Variants in MCAM observed in about 807,000 individuals in gnomAD.
MCAM encodes the protein melanoma cell adhesion molecule, also known as cell surface glycoprotein MUC18.
MCAM carries 55 observed loss-of-function variants against 79.1 expected under a neutral mutation model. The ratio of observed to expected loss-of-function variants is 0.70; its 90% CI spans 0.56 to 0.87. MCAM has a LOEUF of 0.87. Among genes scored for constraint, MCAM ranks in the 40% least tolerant of loss-of-function variants. The pLI, the probability that MCAM is intolerant of heterozygous loss-of-function variation, is 0.00. For missense variants in MCAM, 745 were observed against 839.8 expected (o/e 0.89, Z 1.40); for synonymous variants, 330 against 339.8 (o/e 0.97, Z 0.32).
chr11:119,315,213 C>A lies in MCAM; in HGVS notation c.118G>T (p.Val40Leu). The A allele has an allele frequency of 6.2e-7, 1 of 1,612,906 alleles. No homozygotes were observed. The highest frequency in any genetic ancestry group is 8.5e-7 in the Non-Finnish European group (1 of 1,179,974). ...CACTTCAGAAGGGCTGTGCTGCCCACTTCCACCTCCACCAGCTCAGGCGCA... is the reference window on the plus strand; with the variant it reads ...CACTTCAGAAGGGCTGTGCTGCCCAATTCCACCTCCACCAGCTCAGGCGCA... Reference protein sequence around the residue: ...QPAPELVEVEVGSTALLKCGL... With the variant: ...QPAPELVEVELGSTALLKCGL... The change falls in exon 2 of 16, where the codon GTG (valine) becomes TTG (leucine). Residue 40 changes from valine to leucine, a missense_variant. Coordinates refer to ENST00000264036, the MANE Select transcript of MCAM (RefSeq NM_006500.3). The surrounding 1 kb of genome is among the most constrained non-coding windows in gnomAD (Gnocchi z 4.4).
Position 119,316,458 on chromosome 11 carries a change from A to G in MCAM, c.67+577T>C, listed in dbSNP as rs745671402. ...CCTCCATCCCTCATCTCTGTCCCCT[A>G]TGATCCCATCACTCGGGGAGGCGCG... On this transcript the variant is annotated intron_variant, in intron 1 of 15. Transcript: ENST00000264036. The surrounding 1 kb of genome is among the most constrained non-coding windows in gnomAD (Gnocchi z 4.8). 34 of 153,056 alleles carry G rather than the reference A, an allele frequency of 2.2e-4. No homozygotes were observed. The highest frequency in any genetic ancestry group is 4.2e-4 in the Non-Finnish European group (29 of 68,610). 9.5% of individuals were successfully genotyped at this position (153,056 alleles called of 1,614,324 possible). A position where few individuals can be genotyped will look rare whatever the true frequency, so the allele number is the denominator to read the frequency against.
Position 119,314,647 on chromosome 11 carries a change from C to G in MCAM, c.471+32G>C, listed in dbSNP as rs746884239. 2.5e-6 allele frequency: 4 copies of G among 1,613,088 alleles called. No homozygotes were observed. The South Asian group carries it at 3.3e-5, about 13-fold the overall frequency. On this transcript the variant is annotated intron_variant, in intron 4 of 15. Coordinates refer to ENST00000264036, the MANE Select transcript of MCAM (RefSeq NM_006500.3). ...AAGCCCCATCTCAGCGGCTGCGCAC[C>G]AGCTGCCCAGCCCACCTGCCACACA...
At chr11:119,313,031 G>T in intron 5 of MCAM, 82 bp from the exon 6 acceptor site, 1 of 1,599,822 alleles carries the variant, frequency 6.3e-7, no homozygotes, top group South Asian at 1.1e-5. Flanking sequence ...GGGGTTGGCA[G>T]GGGACCATCT....
At position 119,311,025 on chromosome 11, in the gene MCAM, T is replaced by G. The variant is rs758166690; in HGVS notation, c.1645+65A>C. On this transcript the variant is annotated intron_variant, in intron 13 of 15. Coordinates refer to ENST00000264036, the MANE Select transcript of MCAM (RefSeq NM_006500.3). The surrounding 1 kb of genome is among the most constrained non-coding windows in gnomAD (Gnocchi z 4.4). ...ACTCACCTTTCTGGACAGGGCTCTC[T>G]GGGGAGGGACAGGGCAGAAAGGATG... 1 of 1,614,038 alleles carries G rather than the reference T, an allele frequency of 6.2e-7. No homozygotes were observed. The highest frequency in any genetic ancestry group is 8.5e-7 in the Non-Finnish European group (1 of 1,179,954).
chr11:119,316,372 C>A lies in MCAM; in HGVS notation c.67+663G>T, dbSNP rs1950310934. ...GGAGAAACGCTCCGAGGTGCCCGGGCGCACTTCCCACCTGAATGTGGTCCC... is the reference window on the plus strand; with the variant it reads ...GGAGAAACGCTCCGAGGTGCCCGGGAGCACTTCCCACCTGAATGTGGTCCC... On this transcript the variant is annotated intron_variant, in intron 1 of 15. Transcript: ENST00000264036. This position sits in a 1 kb window ranked among gnomAD's most constrained non-coding sequence, Gnocchi z 4.8. Among the ~76,000 whole-genome samples the A allele has an allele frequency of 6.6e-6, 1 of 152,106 alleles. No individual in the cohort carries two copies. The highest frequency in any genetic ancestry group is 1.5e-5 in the Non-Finnish European group (1 of 68,018).
rs1432977280 is a variant in MCAM at position 119,316,715 on chromosome 11, C to T, written c.67+320G>A. The T allele has an allele frequency of 6.8e-6, 2 of 295,842 alleles. No homozygotes were observed. The highest frequency in any genetic ancestry group is 2.2e-5 in the African/African-American group (1 of 45,730). The allele number at this position is 295,842 out of a possible 1,614,324, so 18.3% of individuals were successfully genotyped here. ...TGCGCCTCCTGCCCGGCTTCAATTG[C>T]GGGCCCCCAGAGTGAGCACCTCAGG... On this transcript the variant is annotated intron_variant, in intron 1 of 15. Transcript: ENST00000264036. This position sits in a 1 kb window ranked among gnomAD's most constrained non-coding sequence, Gnocchi z 4.8.
Position 119,309,615 on chromosome 11 carries a change from T to TTA in MCAM, c.*270_*271insTA, listed in dbSNP as rs1591279907. 1 of 523,480 alleles carries TTA rather than the reference T, an allele frequency of 1.9e-6. No homozygotes were observed. The highest frequency in any genetic ancestry group is 3.1e-5 in the East Asian group (1 of 32,778). The allele number at this position is 523,480 out of a possible 1,614,324, so 32.4% of individuals were successfully genotyped here. ...AGAAAAAACACGTTCTGCAAGAAAC[T>TTA]CTCCTACCCGCTCGGGAGACTGGGG... On this transcript the variant is annotated 3_prime_UTR_variant, in exon 16 of 16. Transcript: ENST00000264036.
rs752453748 is a variant in MCAM, at chr11:119,314,988, T to G, written c.245A>C (p.Gln82Pro). 23 of 1,609,856 alleles carry G rather than the reference T, an allele frequency of 1.4e-5. No individual in the cohort carries two copies. The Admixed American group carries it at 3.2e-4, about 22-fold the overall frequency. Residue 82 changes from glutamine (Q) to proline (P), a missense_variant, in exon 3 of 16, where the codon CAG becomes CCG. Transcript: ENST00000264036. ...CTGCTCGTACTCCCCAGGTTCGCTCTGGCCCTGGCCCTGGCGCACACGGAA... is the reference window on the plus strand; with the variant it reads ...CTGCTCGTACTCCCCAGGTTCGCTCGGGCCCTGGCCCTGGCGCACACGGAA... The part of the protein sequence containing the change: ...LIFRVRQGQG[Q>P]SEPGEYEQRL...
chr11:119,308,622 C>T lies in MCAM; in HGVS notation c.*1264G>A, dbSNP rs1263423201. The T allele has an allele frequency of 4.6e-5, 7 of 151,606 alleles. No individual in the cohort carries two copies. In the South Asian group the frequency reaches 1.2e-3, roughly 27 times the overall value. The allele number at this position is 151,606 out of a possible 1,614,324, so 9.4% of individuals were successfully genotyped here. A position where few individuals can be genotyped will look rare whatever the true frequency, so the allele number is the denominator to read the frequency against. ...ATAAAGGAAACAATTTGCAAATTTA[C>T]ACACCTGACAAAACCATATATACAC... On this transcript the variant is annotated 3_prime_UTR_variant, in exon 16 of 16. Coordinates refer to ENST00000264036, the MANE Select transcript of MCAM (RefSeq NM_006500.3).
rs753827007 is a variant in MCAM at position 119,311,930 on chromosome 11, C to T, written c.1163G>A (p.Arg388Lys). 1 of 1,613,852 alleles carries T rather than the reference C, an allele frequency of 6.2e-7. No homozygotes were observed. The highest frequency in any genetic ancestry group is 8.5e-7 in the Non-Finnish European group (1 of 1,180,008). ...GTCATGCAACTGAAGCACAGGCCCCCTTTCCAGCACCTGGCCTGTCTGGGA... is the reference window on the plus strand; with the variant it reads ...GTCATGCAACTGAAGCACAGGCCCCTTTTCCAGCACCTGGCCTGTCTGGGA... ...LREETGQVLE[R>K]GPVLQLHDLK... Residue 388 changes from arginine (R) to lysine (K), a missense_variant, in exon 10 of 16, where the codon AGG (arginine) becomes AAG (lysine). Coordinates refer to ENST00000264036, the MANE Select transcript of MCAM (RefSeq NM_006500.3). The surrounding 1 kb of genome is among the most constrained non-coding windows in gnomAD (Gnocchi z 4.4).
Position 119,311,827 on chromosome 11 carries a change from C to T in MCAM, c.1266G>A (p.Leu422=). Residue 422 remains leucine (L), a synonymous_variant, in exon 10 of 16, where the codon CTG becomes CTA. Coordinates refer to ENST00000264036, the MANE Select transcript of MCAM (RefSeq NM_006500.3). The surrounding 1 kb of genome is among the most constrained non-coding windows in gnomAD (Gnocchi z 4.4). ...PSIPGLNRTQ[L]VNVAIFGPPW... ...CCTCACCAAAAATGGCCACGTTGAC[C>T]AGCTGTGTGCGGTTCAGGCCGGGTA... 1.2e-6 allele frequency: 2 copies of T among 1,614,086 alleles called. No homozygotes were observed. Among genetic ancestry groups the T allele is most frequent in the South Asian group, 1.1e-5 (1 of 91,082 alleles).
intron 15 of MCAM, 122 bp from the exon 16 acceptor site, chr11:119,310,037 G>GA: frequency 2.3e-6 from 2 of 862,378 alleles, no homozygotes; most frequent in Non-Finnish European, 3.7e-6. Context: ...CGTTGGGGAG[G>GA]AAGCTAGGAT....
chr11:119,314,481 C>T lies in MCAM; in HGVS notation c.559+8G>A. 1 of 1,613,134 alleles carries T rather than the reference C, an allele frequency of 6.2e-7. No homozygotes were observed. Among genetic ancestry groups the T allele is most frequent in the Admixed American group, 1.7e-5 (1 of 60,010 alleles). On this transcript the variant is annotated splice_region_variant and intron_variant, in intron 5 of 15. Coordinates refer to ENST00000264036, the MANE Select transcript of MCAM (RefSeq NM_006500.3). ...CAAGGGTGGCTTTTGGGAGAAAGGG[C>T]TACTCACGGTTCTTCTCCTCCTTCA...
At position 119,311,566 on chromosome 11, in the gene MCAM, G is replaced by A. The variant is rs1216882775; in HGVS notation, c.1371C>T (p.His457=). Residue 457 remains histidine, a synonymous_variant, in exon 11 of 16, where the codon CAC becomes CAT. Coordinates refer to ENST00000264036, the MANE Select transcript of MCAM (RefSeq NM_006500.3). The surrounding 1 kb of genome is among the most constrained non-coding windows in gnomAD (Gnocchi z 4.4). ...VLNLSCEASG[H]PRPTISWNVN... ...CGTTCCAGGAGATGGTGGGCCGGGG[G>A]TGCCCTGACGCTTCACAAGACAGAT... The A allele has an allele frequency of 2.5e-6, 4 of 1,614,004 alleles. No individual in the cohort carries two copies. The African/African-American group carries it at 5.3e-5, about 22-fold the overall frequency.
Position 119,315,193 on chromosome 11 carries a change from C to A in MCAM, c.138G>T (p.Leu46=), listed in dbSNP as rs1453994564. 6.2e-7 allele frequency: 1 copy of A among 1,613,176 alleles called. No homozygotes were observed. The highest frequency in any genetic ancestry group is 1.3e-5 in the African/African-American group (1 of 74,914). The part of the protein sequence containing the change: ...VEVEVGSTAL[L]KCGLSQSQGN... ...CTTGGGACTGGGAGAGGCCGCACTT[C>A]AGAAGGGCTGTGCTGCCCACTTCCA... The change falls in exon 2 of 16, where the codon CTG becomes CTT. Residue 46 remains leucine, a synonymous_variant. Coordinates refer to ENST00000264036, the MANE Select transcript of MCAM (RefSeq NM_006500.3). The surrounding 1 kb of genome is among the most constrained non-coding windows in gnomAD (Gnocchi z 4.4).
chr11:119,315,715 G>A lies in MCAM; in HGVS notation c.68-452C>T, dbSNP rs539390103. 5.6e-6 allele frequency: 1 copy of A among 179,086 alleles called. No individual in the cohort carries two copies. Among genetic ancestry groups the A allele is most frequent in the East Asian group, 1.3e-4 (1 of 7,460 alleles). 11.1% of individuals were successfully genotyped at this position (179,086 alleles called of 1,614,324 possible). On this transcript the variant is annotated intron_variant, in intron 1 of 15. Coordinates refer to ENST00000264036, the MANE Select transcript of MCAM (RefSeq NM_006500.3). This position sits in a 1 kb window ranked among gnomAD's most constrained non-coding sequence, Gnocchi z 4.4. ...CTATCCTCTGCCCTCCAAAATCCCT[G>A]CCCTCACTCCCCAGCGGGCTAACTC...
In MCAM at chr11:119,312,451, G is replaced by A. The variant is rs1950248158; in HGVS notation, c.862-23C>T. 2 of 1,612,762 alleles carry A rather than the reference G, an allele frequency of 1.2e-6. No homozygotes were observed. The highest frequency in any genetic ancestry group is 1.7e-6 in the Non-Finnish European group (2 of 1,179,654). On this transcript the variant is annotated intron_variant, in intron 7 of 15. Coordinates refer to ENST00000264036, the MANE Select transcript of MCAM (RefSeq NM_006500.3). This position sits in a 1 kb window ranked among gnomAD's most constrained non-coding sequence, Gnocchi z 4.9. ...GTTCTAGGGAGGATTGGGGAGGTGA[G>A]CAGAGTGCACCTCCCGCCACTCCAC...
chr11:119,315,513 G>A lies in MCAM; in HGVS notation c.68-250C>T. ...GACTGAGCACCGAACAGCTCCAGCT[G>A]AGGCTGGTAGAGGGGCAGAAAGGGG... On this transcript the variant is annotated intron_variant, in intron 1 of 15. Coordinates refer to ENST00000264036, the MANE Select transcript of MCAM (RefSeq NM_006500.3). The surrounding 1 kb of genome is among the most constrained non-coding windows in gnomAD (Gnocchi z 4.4). 2.0e-6 allele frequency: 1 copy of A among 508,012 alleles called. No individual in the cohort carries two copies. The highest frequency in any genetic ancestry group is 3.6e-6 in the Non-Finnish European group (1 of 280,592). The allele number at this position is 508,012 out of a possible 1,614,324, so 31.5% of individuals were successfully genotyped here.
In MCAM at chr11:119,308,948, G is replaced by A. The variant is rs1950182453; in HGVS notation, c.*938C>T. The A allele has an allele frequency of 6.6e-6, 1 of 152,218 alleles. No individual in the cohort carries two copies. The highest frequency in any genetic ancestry group is 1.5e-5 in the Non-Finnish European group (1 of 68,040). The allele number at this position is 152,218 out of a possible 1,614,324, so 9.4% of individuals were successfully genotyped here. A position where few individuals can be genotyped will look rare whatever the true frequency, so the allele number is the denominator to read the frequency against. On this transcript the variant is annotated 3_prime_UTR_variant, in exon 16 of 16. Coordinates refer to ENST00000264036, the MANE Select transcript of MCAM (RefSeq NM_006500.3). Reference sequence around the variant, plus strand: ...CACCTGAACTCGAAAACAGCGCCCAGCTTCCTCACCGCAGGCACGTATCTT... The same window carrying A: ...CACCTGAACTCGAAAACAGCGCCCAACTTCCTCACCGCAGGCACGTATCTT...
Sources: gnomAD v4.1 joint callset for allele counts (sites outside exome capture counted in the v4.1 genomes callset) on GRCh38, gnomAD v4.1.1 for gene constraint, Gnocchi (gnomAD v3.1) non-coding constraint, MANE v1.5 for transcripts, NCBI Gene and HGNC (gene_info 2026-07-23, HGNC 2026-07-21) for gene names.